PKN2: variants seen among roughly 807,000 people sequenced by gnomAD.
The protein encoded by PKN2 is protein kinase N2.
A neutral mutation model predicts 119.1 loss-of-function variants in PKN2; 38 were observed. The ratio of observed to expected loss-of-function variants is 0.32; its 90% CI spans 0.25 to 0.42. The LOEUF (loss-of-function observed/expected upper bound fraction) is 0.42. Among genes scored for constraint, PKN2 ranks in the 10% least tolerant of loss-of-function variants. The probability of loss-of-function intolerance (pLI) is 1.00; values close to 1 mark genes in which losing one functional copy is unlikely to be tolerated. For missense variants in PKN2, 850 were observed against 1,165.1 expected, an observed-to-expected ratio of 0.73 and a Z score of 3.94; for synonymous variants, 390 against 384.9, an observed-to-expected ratio of 1.01 and a Z score of -0.15.
At chr1:88,710,887 T>C (rs1488234143) in intron 1 of PKN2, among the ~76,000 whole-genome samples, 4 of 152,142 alleles carry the variant, frequency 2.6e-5, no homozygotes, top group Admixed American at 1.3e-4. Context: ...AGCAAAGACA[T>C]GGAATCAACC....
At chr1:88,740,874 T>C in intron 1 of PKN2, 114 bp from the exon 2 acceptor site, 1 of 579,274 alleles carries the variant, frequency 1.7e-6, no homozygotes, top group Non-Finnish European at 3.0e-6. Flanking sequence ...GATAATTAAA[T>C]ATAGTTAAAT....
chr1:88,705,838 G>C (rs1666979826), intron 1 of PKN2, among the ~76,000 whole-genome samples: 1 of 151,442 alleles, frequency 6.6e-6, no homozygotes, highest in Admixed American at 6.6e-5. Context: ...TTTTTTGCCA[G>C]TCCCATGCTG....
At chr1:88,712,423 A>G (rs1667271567) in intron 1 of PKN2, among the ~76,000 whole-genome samples, 3 of 152,170 alleles carry the variant, frequency 2.0e-5, no homozygotes, top group African/African-American at 7.2e-5. Flanking sequence ...GTTTTAGGCC[A>G]CTGGTACCCC....
At chr1:88,730,903 C>T (rs1463448035) in intron 1 of PKN2, among the ~76,000 whole-genome samples, 1 of 152,204 alleles carries the variant, frequency 6.6e-6, no homozygotes, top group East Asian at 1.9e-4. Flanking sequence ...TATACATGGT[C>T]ATTCTGATGC....
At chr1:88,775,965 G>C (rs1159989672) in intron 6 of PKN2, among the ~76,000 whole-genome samples, 2 of 151,854 alleles carry the variant, frequency 1.3e-5, no homozygotes, top group Admixed American at 1.3e-4. Flanking sequence ...AAAATTAGCC[G>C]GGCGTGGTGG....
At chr1:88,782,865 TTGCTGGA>T (rs1670406543) in intron 6 of PKN2, among the ~76,000 whole-genome samples, 1 of 152,230 alleles carries the variant, frequency 6.6e-6, no homozygotes, top group African/African-American at 2.4e-5. Flanking sequence ...GAATTTTACC[TTGCTGGA>T]TGCTGAATAT....
chr1:88,695,261 C>T (rs1666496001), intron 1 of PKN2, among the ~76,000 whole-genome samples: 1 of 152,078 alleles, frequency 6.6e-6, no homozygotes. Flanking sequence ...AAAAATTAAT[C>T]AAATATGATT....
chr1:88,800,465 A>C (rs1671258794), intron 8 of PKN2, among the ~76,000 whole-genome samples: 1 of 150,630 alleles, frequency 6.6e-6, no homozygotes, highest in Non-Finnish European at 1.5e-5. Flanking sequence ...CTTCATAGGA[A>C]GTTGCTTTTT....
intron 1 of PKN2, among the ~76,000 whole-genome samples, chr1:88,738,503 A>G (rs560506207): frequency 1.3e-5 from 2 of 152,356 alleles, no homozygotes; most frequent in Non-Finnish European, 1.5e-5. Flanking sequence ...AAGAGAGATG[A>G]TTTCTTGAAG....
chr1:88,737,656 T>C (rs140850497), intron 1 of PKN2, among the ~76,000 whole-genome samples: 1 of 152,236 alleles, frequency 6.6e-6, no homozygotes, highest in Non-Finnish European at 1.5e-5. Context: ...AGGCCACAGG[T>C]TTCCACATAG....
At chr1:88,818,234 A>C (rs1168084414) in intron 16 of PKN2, among the ~76,000 whole-genome samples, 1 of 152,222 alleles carries the variant, frequency 6.6e-6, no homozygotes, top group Non-Finnish European at 1.5e-5. Flanking sequence ...ATGGAAAAAC[A>C]TTCCATGCTC....
At chr1:88,771,200 C>T (rs1322313062) in intron 4 of PKN2, among the ~76,000 whole-genome samples, 1 of 151,972 alleles carries the variant, frequency 6.6e-6, no homozygotes, top group African/African-American at 2.4e-5. Flanking sequence ...TATCTTTCAG[C>T]TCTAAAATCT....
At chr1:88,818,559 A>G (rs1003526054) in intron 16 of PKN2, among the ~76,000 whole-genome samples, 1 of 151,884 alleles carries the variant, frequency 6.6e-6, no homozygotes, top group Non-Finnish European at 1.5e-5. Context: ...GAGTCAGGAG[A>G]ATTGCTTGAA....
chr1:88,756,185 C>T (rs1557590223), intron 2 of PKN2, among the ~76,000 whole-genome samples: 1 of 152,102 alleles, frequency 6.6e-6, no homozygotes, highest in African/African-American at 2.4e-5. Flanking sequence ...TGTAAGCCAC[C>T]ATGCCCGGCC....
intron 2 of PKN2, among the ~76,000 whole-genome samples, chr1:88,747,861 A>G (rs1452425860): frequency 6.6e-6 from 1 of 152,106 alleles, no homozygotes; most frequent in African/African-American, 2.4e-5. Context: ...ATTCTTCTAA[A>G]TTCCTAAAAT....
At chr1:88,693,735 A>G (rs952393754) in intron 1 of PKN2, among the ~76,000 whole-genome samples, 4 of 152,168 alleles carry the variant, frequency 2.6e-5, no homozygotes, top group Non-Finnish European at 4.4e-5. Context: ...AAGAAATGAT[A>G]TTGAGCGAAA....
chr1:88,720,777 A>G (rs1570529051), intron 1 of PKN2, among the ~76,000 whole-genome samples: 1 of 151,672 alleles, frequency 6.6e-6, no homozygotes, highest in East Asian at 1.9e-4. Flanking sequence ...CCCTCACCCC[A>G]CTCCCACCTT....
chr1:88,812,204 C>T (rs1213905821), intron 15 of PKN2, among the ~76,000 whole-genome samples: 3 of 152,068 alleles, frequency 2.0e-5, no homozygotes, highest in Non-Finnish European at 4.4e-5. Flanking sequence ...TATAAAAGAG[C>T]CTTGCTCCTT....
chr1:88,736,994 G>T (rs1668373802), intron 1 of PKN2, among the ~76,000 whole-genome samples: 1 of 152,140 alleles, frequency 6.6e-6, no homozygotes, highest in African/African-American at 2.4e-5. Context: ...CCTCACCATG[G>T]CATGCTCCAA....
Sources: gnomAD v4.1 joint callset for allele counts (sites outside exome capture counted in the v4.1 genomes callset) on GRCh38, gnomAD v4.1.1 for gene constraint, MANE v1.5 for transcripts, NCBI Gene and HGNC (gene_info 2026-07-23, HGNC 2026-07-21) for gene names.